TNFRSF10B: variants seen among roughly 807,000 people sequenced by gnomAD.
TNFRSF10B encodes tumor necrosis factor receptor superfamily member 10B.
A neutral mutation model predicts 41.4 loss-of-function variants in TNFRSF10B; 35 were observed. The observed-to-expected ratio is 0.85, with a 90% CI of 0.65 to 1.12. The LOEUF (loss-of-function observed/expected upper bound fraction) is 1.12, where lower values mean the gene tolerates loss of function less well. TNFRSF10B is among the 50% of genes most tolerant of loss of function. The probability of loss-of-function intolerance (pLI) is 0.00; values close to 1 mark genes in which losing one functional copy is unlikely to be tolerated. For synonymous variants in TNFRSF10B, 230 were observed against 215.5 expected, an observed-to-expected ratio of 1.07 and a Z score of -0.59; for missense variants, 584 against 552.7, an observed-to-expected ratio of 1.06 and a Z score of -0.57.
At chr8:23,031,916 T>A (rs946902126) in intron 2 of TNFRSF10B, among the ~76,000 whole-genome samples, 3 of 148,770 alleles carry the variant, frequency 2.0e-5, no homozygotes, top group Non-Finnish European at 3.0e-5. Context: ...AGTAGCATTT[T>A]TTTTTTTTTT....
chr8:23,062,242 A>G (rs1363252049), intron 1 of TNFRSF10B, among the ~76,000 whole-genome samples: 1 of 151,994 alleles, frequency 6.6e-6, no homozygotes, highest in Non-Finnish European at 1.5e-5. Flanking sequence ...TTTCTTTGAG[A>G]CAGAGTCTCA....
chr8:23,058,018 G>A (rs188351556), intron 1 of TNFRSF10B, among the ~76,000 whole-genome samples: 124 of 152,158 alleles, frequency 8.1e-4, no homozygotes, highest in Admixed American at 1.4e-3. Context: ...AGGCCGAGGC[G>A]GGCAGATCAC....
rs1278501603 is a variant in TNFRSF10B, at chr8:23,027,121, T to C, written c.936+12A>G. The C allele has an allele frequency of 6.2e-7, 1 of 1,613,732 alleles. No homozygotes were observed. The highest frequency in any genetic ancestry group is 8.5e-7 in the Non-Finnish European group (1 of 1,180,008). ...GCATGCCAGGAAACAAAATGATCTG[T>C]CCCCCACTCACCAGCAGATGCTCTG... On this transcript the variant is annotated intron_variant, in intron 7 of 8. Coordinates refer to ENST00000276431, the MANE Select transcript of TNFRSF10B (RefSeq NM_003842.5).
Position 23,021,976 on chromosome 8 carries a change from A to G in TNFRSF10B, c.*695T>C. On this transcript the variant is annotated 3_prime_UTR_variant, in exon 9 of 9. Coordinates refer to ENST00000276431, the MANE Select transcript of TNFRSF10B (RefSeq NM_003842.5). ...ACAGAATTATAAAAGTAGAAAGGTA[A>G]GGCCAAGCATGGGGGCTCACGCCTC... The G allele has an allele frequency of 2.2e-6, 1 of 452,174 alleles. No homozygotes were observed. Among genetic ancestry groups the G allele is most frequent in the South Asian group, 1.6e-5 (1 of 64,288 alleles). The allele number at this position is 452,174 out of a possible 1,614,324, so 28.0% of individuals were successfully genotyped here.
chr8:23,040,265 A>T (rs989045903), intron 2 of TNFRSF10B, among the ~76,000 whole-genome samples: 1 of 121,022 alleles, frequency 8.3e-6, no homozygotes. Context: ...TATATTTATT[A>T]AATATATATA....
chr8:23,028,315 C>A lies in TNFRSF10B; in HGVS notation c.748+16G>T. On this transcript the variant is annotated intron_variant, in intron 5 of 8. Transcript: ENST00000276431. The stretch of plus-strand genomic sequence containing the variant: ...GCAGAGAGTGCCCTGTGCCCCCGCC[C>A]TCAGCCAGCACCTACCTGAGCAGAT... The A allele has an allele frequency of 6.2e-7, 1 of 1,613,864 alleles. No homozygotes were observed. The highest frequency in any genetic ancestry group is 1.1e-5 in the South Asian group (1 of 90,888).
chr8:23,024,003 G>T (rs1304581527), intron 8 of TNFRSF10B, among the ~76,000 whole-genome samples, 185 bp downstream of exon 8: 2 of 152,116 alleles, frequency 1.3e-5, no homozygotes, highest in Non-Finnish European at 2.9e-5. Context: ...GTGCAGAGAG[G>T]ATGAGGTAGA....
chr8:23,022,167 G>A lies in TNFRSF10B; in HGVS notation c.*504C>T, dbSNP rs57455346. On this transcript the variant is annotated 3_prime_UTR_variant, in exon 9 of 9. Coordinates refer to ENST00000276431, the MANE Select transcript of TNFRSF10B (RefSeq NM_003842.5). ...CCCAGCTATTTGGATGGCTGAGGTG[G>A]GAGAATCGCTTGAGCCTGAGAGGTC... 2.1e-3 allele frequency: 927 copies of A among 449,278 alleles called. 8 individuals are homozygous for A. The highest frequency in any genetic ancestry group is 0.017 in the African/African-American group (840 of 50,000). The allele number at this position is 449,278 out of a possible 1,614,324, so 27.8% of individuals were successfully genotyped here.
intron 2 of TNFRSF10B, among the ~76,000 whole-genome samples, chr8:23,034,129 A>T (rs1648636037): frequency 6.6e-6 from 1 of 152,218 alleles, no homozygotes; most frequent in Admixed American, 6.5e-5. Context: ...CAAGGATGTG[A>T]TCTATAACAA....
chr8:23,043,528 A>G (rs1188353142), intron 1 of TNFRSF10B, among the ~76,000 whole-genome samples: 1 of 152,228 alleles, frequency 6.6e-6, no homozygotes, highest in East Asian at 1.9e-4. Context: ...ATTCTCAGCT[A>G]AAGATAGCAT....
At chr8:23,051,178 G>T (rs1812511390) in intron 1 of TNFRSF10B, among the ~76,000 whole-genome samples, 1 of 149,268 alleles carries the variant, frequency 6.7e-6, no homozygotes, top group South Asian at 2.1e-4. Flanking sequence ...TACAAAAGAG[G>T]TCTAATTAAA....
intron 2 of TNFRSF10B, among the ~76,000 whole-genome samples, chr8:23,042,316 A>T (rs1226974824): frequency 6.6e-6 from 1 of 152,226 alleles, no homozygotes; most frequent in Admixed American, 6.5e-5. Flanking sequence ...AAAGAAATGC[A>T]ACTTTGTAAA....
At position 23,040,186 on chromosome 8, in the gene TNFRSF10B, T is replaced by A. The variant is rs570414166; in HGVS notation, c.250+2952A>T. Among the ~76,000 whole-genome samples the A allele has an allele frequency of 1.3e-4, 19 of 146,218 alleles. No homozygotes were observed. In the South Asian group the frequency reaches 2.8e-3, roughly 21 times the overall value. On this transcript the variant is annotated intron_variant, in intron 2 of 8. Coordinates refer to ENST00000276431, the MANE Select transcript of TNFRSF10B (RefSeq NM_003842.5). Reference sequence around the variant, plus strand: ...ACAGAGCAGACCCTGTCTCAAAAAATATATATATATCTATATATATATTTA... The same window carrying A: ...ACAGAGCAGACCCTGTCTCAAAAAAAATATATATATCTATATATATATTTA...
intron 1 of TNFRSF10B, among the ~76,000 whole-genome samples, chr8:23,048,185 C>T (rs1812417754): frequency 6.6e-6 from 1 of 151,132 alleles, no homozygotes; most frequent in African/African-American, 2.4e-5. Context: ...TGAATCCCAG[C>T]ACTTTGGGAG....
intron 6 of TNFRSF10B, 21 bp downstream of exon 6, chr8:23,027,701 C>T (rs1811749043): frequency 6.2e-7 from 1 of 1,614,120 alleles, no homozygotes; most frequent in Non-Finnish European, 8.5e-7. Flanking sequence ...GAGCCCCCAG[C>T]TCCTGGAGAA....
At chr8:23,064,110 G>A (rs1222030918) in intron 1 of TNFRSF10B, among the ~76,000 whole-genome samples, 2 of 152,240 alleles carry the variant, frequency 1.3e-5, no homozygotes, top group African/African-American at 4.8e-5. Flanking sequence ...TCCATTCACA[G>A]GAGCTGAGGC....
intron 1 of TNFRSF10B, among the ~76,000 whole-genome samples, chr8:23,048,602 A>G (rs533495576): frequency 1.4e-4 from 22 of 152,326 alleles, no homozygotes; most frequent in African/African-American, 5.1e-4. Context: ...CAATGAATGT[A>G]GTTAATAACA....
intron 2 of TNFRSF10B, among the ~76,000 whole-genome samples, chr8:23,035,945 G>T (rs1009413945): frequency 6.6e-6 from 1 of 152,176 alleles, no homozygotes; most frequent in African/African-American, 2.4e-5. Flanking sequence ...TCTGTCACTT[G>T]GGCCATACGA....
Position 23,030,827 on chromosome 8 carries a change from T to C in TNFRSF10B, c.296A>G (p.Tyr99Cys). Residue 99 changes from tyrosine to cysteine, a missense_variant, in exon 3 of 9, where the codon TAT (tyrosine) becomes TGT (cysteine). Tyr to Cys is a radical substitution (Grantham distance 194). Coordinates refer to ENST00000276431, the MANE Select transcript of TNFRSF10B (RefSeq NM_003842.5). ...CCAGTGAGTGCTATAGTCCTGTCCATATTTGCAGGAGATGCAATCTCTACC... is the reference window on the plus strand; with the variant it reads ...CCAGTGAGTGCTATAGTCCTGTCCACATTTGCAGGAGATGCAATCTCTACC... ...EDGRDCISCK[Y>C]GQDYSTHWND... 4.3e-6 allele frequency: 7 copies of C among 1,612,948 alleles called. No individual in the cohort carries two copies. Among genetic ancestry groups the C allele is most frequent in the Non-Finnish European group, 5.9e-6 (7 of 1,179,580 alleles).
Sources: allele counts gnomAD v4.1 joint callset (sites outside exome capture counted in the v4.1 genomes callset), GRCh38; gene constraint gnomAD v4.1.1; transcripts MANE v1.5; gene names NCBI Gene and HGNC (gene_info 2026-07-23, HGNC 2026-07-21).